Variants in RPS6KC1 observed in about 807,000 individuals in gnomAD.
RPS6KC1 encodes the protein inactive ribosomal protein S6 kinase delta-1.
In RPS6KC1, 54 loss-of-function variants were observed where a neutral mutation model predicts 103.8. The ratio of observed to expected loss-of-function variants is 0.52; its 90% CI spans 0.42 to 0.65. The LOEUF is 0.65. Among genes scored for constraint, RPS6KC1 ranks in the 30% least tolerant of loss-of-function variants. The pLI, the probability that RPS6KC1 is intolerant of heterozygous loss-of-function variation, is 0.00. For missense variants in RPS6KC1, 1,151 were observed against 1,253.8 expected (o/e 0.92, Z 1.24); for synonymous variants, 439 against 438.7 (o/e 1.00, Z -0.01).
the RPS6KC1 span, among the ~76,000 whole-genome samples, chr1:213,678,566 C>T: frequency 6.6e-6 from 1 of 152,224 alleles, no homozygotes; most frequent in African/African-American, 2.4e-5. Flanking sequence ...CTTCCCACAC[C>T]TGGCTGATCA....
At chr1:213,363,625 G>GCTTGCTTGCTTT in the RPS6KC1 span, among the ~76,000 whole-genome samples, 21 of 73,778 alleles carry the variant, frequency 2.8e-4, no homozygotes, top group East Asian at 6.5e-4. Flanking sequence ...TTGCTTGCTT[G>GCTTGCTTGCTTT]CTTTCTTTCT....
the RPS6KC1 span, among the ~76,000 whole-genome samples, chr1:213,288,537 T>C: frequency 6.6e-6 from 1 of 152,244 alleles, no homozygotes. Flanking sequence ...GATTTAAACA[T>C]TCCTTGCTTG....
the RPS6KC1 span, among the ~76,000 whole-genome samples, chr1:213,459,047 G>A: frequency 6.6e-6 from 1 of 152,174 alleles, no homozygotes; most frequent in Non-Finnish European, 1.5e-5. Flanking sequence ...GTTCATCATG[G>A]ATATTGGTCT....
chr1:213,150,865 G>C (rs908836187), intron 6 of RPS6KC1, among the ~76,000 whole-genome samples: 2 of 152,142 alleles, frequency 1.3e-5, no homozygotes, highest in African/African-American at 4.8e-5. Context: ...GGGCAGAGGG[G>C]CTCCTCACTT....
the RPS6KC1 span, among the ~76,000 whole-genome samples, chr1:213,470,916 T>G: frequency 6.6e-6 from 1 of 152,166 alleles, no homozygotes; most frequent in Non-Finnish European, 1.5e-5. Flanking sequence ...TGAGCCACGA[T>G]GCCTGGCCTG....
the RPS6KC1 span, among the ~76,000 whole-genome samples, chr1:213,376,133 A>T: frequency 7.0e-6 from 1 of 143,128 alleles, no homozygotes; most frequent in African/African-American, 2.6e-5. Context: ...TGTGTGTGTA[A>T]AGTTTCCAGA....
At chr1:213,799,554 T>G in the RPS6KC1 span, among the ~76,000 whole-genome samples, 1 of 152,218 alleles carries the variant, frequency 6.6e-6, no homozygotes, top group Non-Finnish European at 1.5e-5. Flanking sequence ...TATAGGAAAT[T>G]TCCCTGTCAA....
At chr1:213,681,491 A>G in the RPS6KC1 span, among the ~76,000 whole-genome samples, 1 of 148,236 alleles carries the variant, frequency 6.7e-6, no homozygotes, top group Non-Finnish European at 1.5e-5. Context: ...GGGAGAGAGA[A>G]GGTGTTAAAT....
At chr1:213,500,862 C>A in the RPS6KC1 span, among the ~76,000 whole-genome samples, 3 of 141,100 alleles carry the variant, frequency 2.1e-5, no homozygotes, top group African/African-American at 7.4e-5. Flanking sequence ...ATATGTAAAA[C>A]AAACAAATTA....
the RPS6KC1 span, among the ~76,000 whole-genome samples, chr1:213,521,291 G>C: frequency 3.3e-5 from 5 of 152,290 alleles, no homozygotes; most frequent in Admixed American, 3.3e-4. Flanking sequence ...ACACTATACT[G>C]TAGTCTATTA....
chr1:213,332,333 G>A, the RPS6KC1 span, among the ~76,000 whole-genome samples: 23 of 152,202 alleles, frequency 1.5e-4, no homozygotes, highest in Admixed American at 3.3e-4. Context: ...TAGGTAGGAG[G>A]ATTCACAGTC....
the RPS6KC1 span, among the ~76,000 whole-genome samples, chr1:213,549,391 G>A: frequency 2.0e-5 from 3 of 152,136 alleles, no homozygotes; most frequent in Admixed American, 2.0e-4. Flanking sequence ...ATGAACAGAG[G>A]ATTGAAGGGT....
the RPS6KC1 span, among the ~76,000 whole-genome samples, chr1:213,378,381 G>C: frequency 1.3e-5 from 2 of 152,230 alleles, no homozygotes; most frequent in Admixed American, 1.3e-4. Context: ...TTAGAAAAAT[G>C]CCTGGCATGA....
the RPS6KC1 span, among the ~76,000 whole-genome samples, chr1:213,497,311 G>A: frequency 6.6e-6 from 1 of 151,778 alleles, no homozygotes; most frequent in Admixed American, 6.6e-5. Context: ...ACTTCGCAGA[G>A]CATGTATGGT....
the RPS6KC1 span, among the ~76,000 whole-genome samples, chr1:213,620,948 C>G: frequency 6.6e-6 from 1 of 152,170 alleles, no homozygotes; most frequent in Non-Finnish European, 1.5e-5. Context: ...ACTCATTGTC[C>G]ACAACACATG....
At chr1:213,163,917 C>G (rs1225580406) in intron 6 of RPS6KC1, among the ~76,000 whole-genome samples, 1 of 152,170 alleles carries the variant, frequency 6.6e-6, no homozygotes, top group Non-Finnish European at 1.5e-5. Flanking sequence ...GTTTATTTCT[C>G]TGTATCTTTG....
the RPS6KC1 span, among the ~76,000 whole-genome samples, chr1:213,537,969 G>A: frequency 6.6e-6 from 1 of 152,132 alleles, no homozygotes; most frequent in Non-Finnish European, 1.5e-5. Context: ...ATTGTAGGAG[G>A]GAAGCCTGAG....
chr1:213,773,551 A>C, the RPS6KC1 span, among the ~76,000 whole-genome samples: 2 of 149,226 alleles, frequency 1.3e-5, no homozygotes, highest in African/African-American at 4.9e-5. Flanking sequence ...ATATATCTCT[A>C]TATATGTTAT....
the RPS6KC1 span, among the ~76,000 whole-genome samples, chr1:213,338,026 G>A: frequency 7.9e-5 from 12 of 152,184 alleles, no homozygotes; most frequent in African/African-American, 2.9e-4. Flanking sequence ...GAGAGTGTAT[G>A]TGGGACCATT....
Sources: gnomAD v4.1 joint callset for allele counts (sites outside exome capture counted in the v4.1 genomes callset) on GRCh38, gnomAD v4.1.1 for gene constraint, MANE v1.5 for transcripts, NCBI Gene and HGNC (gene_info 2026-07-23, HGNC 2026-07-21) for gene names.